KCNQ1: variants seen among roughly 807,000 people sequenced by gnomAD.
The protein encoded by KCNQ1 is potassium voltage-gated channel subfamily KQT member 1.
Under a neutral mutation model 72.4 loss-of-function variants are expected in KCNQ1, and 49 were observed. The ratio of observed to expected loss-of-function variants is 0.68; its 90% CI spans 0.54 to 0.86. The LOEUF is 0.86. KCNQ1 is among the 40% of genes least tolerant of loss of function. KCNQ1 has a pLI of 0.00. For synonymous variants in KCNQ1, 450 were observed against 412.6 expected (o/e 1.09, Z -1.10); for missense variants, 790 against 945.1 (o/e 0.84, Z 2.15).
intron 15 of KCNQ1, among the ~76,000 whole-genome samples, chr11:2,793,964 G>C (rs1424195077): frequency 6.6e-6 from 1 of 152,198 alleles, no homozygotes; most frequent in Non-Finnish European, 1.5e-5. Context: ...GAGGAGGAGG[G>C]TGACACAGGG....
intron 11 of KCNQ1, among the ~76,000 whole-genome samples, chr11:2,742,535 G>A (rs188455984): frequency 4.9e-4 from 75 of 152,298 alleles, no homozygotes; most frequent in Non-Finnish European, 8.5e-4. Flanking sequence ...GGCTCCCCCC[G>A]GCCCTTTCTC....
chr11:2,533,835 G>A (rs1426147368), intron 2 of KCNQ1, among the ~76,000 whole-genome samples: 1 of 152,218 alleles, frequency 6.6e-6, no homozygotes, highest in Non-Finnish European at 1.5e-5. Flanking sequence ...CACACAAAGA[G>A]AGAGGCACTC....
chr11:2,603,131 G>C lies in KCNQ1; in HGVS notation c.1393+14277G>C, dbSNP rs1052655675. 6.6e-6 allele frequency among the ~76,000 whole-genome samples: 1 copy of C among 152,172 alleles called. No individual in the cohort carries two copies. The highest frequency in any genetic ancestry group is 2.4e-5 in the African/African-American group (1 of 41,424). ...TCAGAGATATTGTGGTTCGGTTCCA[G>C]TACACTGCAATGAAGCAAATATTGC... On this transcript the variant is annotated intron_variant, in intron 10 of 15. Transcript: ENST00000155840. The surrounding 1 kb of genome is among the most constrained non-coding windows in gnomAD (Gnocchi z 4.1).
rs905715142 is a variant in KCNQ1 at position 2,541,105 on chromosome 11, G to A, written c.477+13087G>A. On this transcript the variant is annotated intron_variant, in intron 2 of 15. Coordinates refer to ENST00000155840, the MANE Select transcript of KCNQ1 (RefSeq NM_000218.3). The surrounding 1 kb of genome is among the most constrained non-coding windows in gnomAD (Gnocchi z 4.8). ...CGTGCCTGCATGCACACGTGCACAC[G>A]TGCACACCCAGCCCTGGACCTCAGG... Among the ~76,000 whole-genome samples, 5 of 152,196 alleles carry A rather than the reference G, an allele frequency of 3.3e-5. No individual in the cohort carries two copies. Among genetic ancestry groups the A allele is most frequent in the Admixed American group, 6.5e-5 (1 of 15,286 alleles).
chr11:2,540,904 T>C (rs139361643), intron 2 of KCNQ1, among the ~76,000 whole-genome samples: 18 of 152,258 alleles, frequency 1.2e-4, no homozygotes, highest in African/African-American at 4.3e-4. Context: ...ATGGTCAAGG[T>C]AGTTGAAGTC....
At position 2,673,426 on chromosome 11, in the gene KCNQ1, AG is replaced by A. The variant is rs1850223955; in HGVS notation, c.1514+11347del. On this transcript the variant is annotated intron_variant, in intron 11 of 15. Coordinates refer to ENST00000155840, the MANE Select transcript of KCNQ1 (RefSeq NM_000218.3). This position sits in a 1 kb window ranked among gnomAD's most constrained non-coding sequence, Gnocchi z 4.5. ...CCTTCTGCCTAGGCACCAGGCCTGG[AG>A]GTTCCAACTTGGTGTTGGGCCTCCT... 2 of 398,660 alleles carry A rather than the reference AG, an allele frequency of 5.0e-6. No individual in the cohort carries two copies. The highest frequency in any genetic ancestry group is 8.8e-6 in the Non-Finnish European group (2 of 226,060). 24.7% of individuals were successfully genotyped at this position (398,660 alleles called of 1,614,324 possible).
intron 11 of KCNQ1, among the ~76,000 whole-genome samples, chr11:2,751,717 G>C (rs1255688331): frequency 3.3e-5 from 5 of 152,274 alleles, no homozygotes; most frequent in Non-Finnish European, 5.9e-5. Context: ...AGCATCTGCA[G>C]ATGCGCTGTG....
In KCNQ1 at chr11:2,682,461, C is replaced by G; in HGVS notation, c.1514+20380C>G. On this transcript the variant is annotated intron_variant, in intron 11 of 15. Coordinates refer to ENST00000155840, the MANE Select transcript of KCNQ1 (RefSeq NM_000218.3). This position sits in a 1 kb window ranked among gnomAD's most constrained non-coding sequence, Gnocchi z 5.8. ...CCATATGGAGCCTGTCACGGACCCT[C>G]AGTGAATGTTTGACGAGTGAGTGAG... 1 of 387,174 alleles carries G rather than the reference C, an allele frequency of 2.6e-6. No homozygotes were observed. The highest frequency in any genetic ancestry group is 3.7e-5 in the East Asian group (1 of 27,360). 24.0% of individuals were successfully genotyped at this position (387,174 alleles called of 1,614,324 possible). A position where few individuals can be genotyped will look rare whatever the true frequency, so the allele number is the denominator to read the frequency against.
At chr11:2,700,530 C>T (rs1045537636) in intron 11 of KCNQ1, among the ~76,000 whole-genome samples, 3 of 151,952 alleles carry the variant, frequency 2.0e-5, no homozygotes, top group Non-Finnish European at 2.9e-5. Flanking sequence ...TCTCCACCGC[C>T]GTGGCACCGG....
intron 6 of KCNQ1, among the ~76,000 whole-genome samples, chr11:2,575,743 A>T (rs115104550): frequency 6.6e-6 from 1 of 152,106 alleles, no homozygotes; most frequent in Non-Finnish European, 1.5e-5. Context: ...CATTCTGATC[A>T]TCATGCTGCA....
In KCNQ1 at chr11:2,446,692, C is replaced by G. The variant is rs563782458; in HGVS notation, c.386+1208C>G. Among the ~76,000 whole-genome samples, 5 of 152,164 alleles carry G rather than the reference C, an allele frequency of 3.3e-5. No homozygotes were observed. The highest frequency in any genetic ancestry group is 2.0e-4 in the Admixed American group (3 of 15,286). ...TCCACATCAGGAAGGGGAAGTCTTA[C>G]CCACCTCCCTCCTCAAAGATGTGGT... On this transcript the variant is annotated intron_variant, in intron 1 of 15. Transcript: ENST00000155840. The surrounding 1 kb of genome is among the most constrained non-coding windows in gnomAD (Gnocchi z 8.8).
At position 2,698,813 on chromosome 11, in the gene KCNQ1, C is replaced by G; in HGVS notation, c.1514+36732C>G. 2.5e-6 allele frequency: 1 copy of G among 398,804 alleles called. No individual in the cohort carries two copies. The highest frequency in any genetic ancestry group is 3.6e-5 in the East Asian group (1 of 28,062). 24.7% of individuals were successfully genotyped at this position (398,804 alleles called of 1,614,324 possible). A position where few individuals can be genotyped will look rare whatever the true frequency, so the allele number is the denominator to read the frequency against. ...CCAACTCAGACTCCCGATCCTCTGT[C>G]CCTAATGAGGCCCTACCTAAAACCA... is the stretch of plus-strand genomic sequence containing the variant. On this transcript the variant is annotated intron_variant, in intron 11 of 15. Transcript: ENST00000155840. The surrounding 1 kb of genome is among the most constrained non-coding windows in gnomAD (Gnocchi z 5.1).
intron 11 of KCNQ1, among the ~76,000 whole-genome samples, chr11:2,714,733 G>A (rs1182216661): frequency 6.6e-6 from 1 of 152,170 alleles, no homozygotes; most frequent in Non-Finnish European, 1.5e-5. Flanking sequence ...GAAGCCCTTG[G>A]GGCCGGGGTG....
chr11:2,604,730 A>G (rs1026717652), intron 10 of KCNQ1, among the ~76,000 whole-genome samples: 4 of 151,944 alleles, frequency 2.6e-5, no homozygotes, highest in Non-Finnish European at 2.9e-5. Flanking sequence ...ATTTTAGTAG[A>G]GACAGGGTTT....
Position 2,620,447 on chromosome 11 carries a change from C to T in KCNQ1, c.1393+31593C>T, listed in dbSNP as rs1849151141. 1 of 294,962 alleles carries T rather than the reference C, an allele frequency of 3.4e-6. No individual in the cohort carries two copies. The highest frequency in any genetic ancestry group is 5.2e-5 in the Admixed American group (1 of 19,368). The allele number at this position is 294,962 out of a possible 1,614,324, so 18.3% of individuals were successfully genotyped here. On this transcript the variant is annotated intron_variant, in intron 10 of 15. Transcript: ENST00000155840. This position sits in a 1 kb window ranked among gnomAD's most constrained non-coding sequence, Gnocchi z 4.5. The stretch of plus-strand genomic sequence containing the variant: ...GTCAGGCTGGTCTCGAACTCCTGAC[C>T]TCAGGTGATCCACCCGCCTTGGCCT...
rs1480026922 is a variant in KCNQ1, at chr11:2,818,950, G to A, written c.1795-28817G>A. ...CACAAGAGGTTCATCCCACCCTCCAGCATTACCCAGCCCCACAGGACCCAC... is the reference window on the plus strand; with the variant it reads ...CACAAGAGGTTCATCCCACCCTCCAACATTACCCAGCCCCACAGGACCCAC... On this transcript the variant is annotated intron_variant, in intron 15 of 15. Coordinates refer to ENST00000155840, the MANE Select transcript of KCNQ1 (RefSeq NM_000218.3). This position sits in a 1 kb window ranked among gnomAD's most constrained non-coding sequence, Gnocchi z 7.2. Among the ~76,000 whole-genome samples, 1 of 152,046 alleles carries A rather than the reference G, an allele frequency of 6.6e-6. No homozygotes were observed. The highest frequency in any genetic ancestry group is 1.5e-5 in the Non-Finnish European group (1 of 67,992).
chr11:2,459,280 G>C (rs1465820334), intron 1 of KCNQ1, among the ~76,000 whole-genome samples: 1 of 152,208 alleles, frequency 6.6e-6, no homozygotes, highest in East Asian at 1.9e-4. Context: ...GTGGTGTCCA[G>C]GGACTGTGTG....
chr11:2,633,667 T>A (rs1428929493), intron 10 of KCNQ1: 2 of 398,454 alleles, frequency 5.0e-6, no homozygotes, highest in African/African-American at 4.1e-5. Context: ...CAAAAACCAG[T>A]TGTCTGTAAA....
At chr11:2,459,354 A>C (rs918474489) in intron 1 of KCNQ1, among the ~76,000 whole-genome samples, 33 of 152,080 alleles carry the variant, frequency 2.2e-4, no homozygotes, top group African/African-American at 7.7e-4. Context: ...AGGCCATAAC[A>C]GGGGCAGGGG....
Sources: gnomAD v4.1 joint callset for allele counts (sites outside exome capture counted in the v4.1 genomes callset) on GRCh38, gnomAD v4.1.1 for gene constraint, Gnocchi (gnomAD v3.1) non-coding constraint, MANE v1.5 for transcripts, NCBI Gene and HGNC (gene_info 2026-07-23, HGNC 2026-07-21) for gene names.